TMCO4: variants seen among roughly 807,000 people sequenced by gnomAD.
The protein encoded by TMCO4 is transmembrane and coiled-coil domains 4.
Under a neutral mutation model 64.7 loss-of-function variants are expected in TMCO4, and 58 were observed. The observed-to-expected ratio is 0.90, with a 90% CI of 0.73 to 1.12. The LOEUF (loss-of-function observed/expected upper bound fraction) is 1.12. Among genes scored for constraint, TMCO4 ranks in the 50% most tolerant of loss-of-function variants. The pLI is 0.00. For synonymous variants in TMCO4, 325 were observed against 346.1 expected (o/e 0.94, Z 0.68); for missense variants, 780 against 825.9 (o/e 0.94, Z 0.68).
At chr1:19,770,471 T>C in intron 6 of TMCO4, 71 bp downstream of exon 6, 2 of 1,578,968 alleles carry the variant, frequency 1.3e-6, no homozygotes, top group Non-Finnish European at 1.7e-6. Flanking sequence ...TGGTGGCACC[T>C]CTCACTGGCT....
intron 13 of TMCO4, among the ~76,000 whole-genome samples, chr1:19,710,116 T>C (rs1172493640): frequency 2.0e-5 from 3 of 151,922 alleles, no homozygotes; most frequent in African/African-American, 7.3e-5. Context: ...TTTTATTTTT[T>C]ATATTTTGAG....
intron 7 of TMCO4, among the ~76,000 whole-genome samples, chr1:19,752,477 G>A (rs966873331): frequency 3.3e-5 from 5 of 152,076 alleles, no homozygotes; most frequent in African/African-American, 7.2e-5. Flanking sequence ...TCCATAAATC[G>A]GTCTTACTCT....
chr1:19,686,833 A>G (rs927316714), intron 15 of TMCO4, among the ~76,000 whole-genome samples: 10 of 152,342 alleles, frequency 6.6e-5, no homozygotes, highest in African/African-American at 2.4e-4. Context: ...GTAAAATGAG[A>G]GTCATGACCT....
chr1:19,784,959 C>T (rs111334433), intron 3 of TMCO4, among the ~76,000 whole-genome samples: 2,620 of 152,096 alleles, frequency 0.017, 79 homozygotes, highest in African/African-American at 0.058. Context: ...ATGTGGCCCA[C>T]AGGCCGAAGA....
chr1:19,688,219 T>C (rs1184037802), intron 15 of TMCO4, among the ~76,000 whole-genome samples: 1 of 152,138 alleles, frequency 6.6e-6, no homozygotes, highest in Admixed American at 6.5e-5. Flanking sequence ...CACATGCTCA[T>C]GAGGTTGCGT....
intron 13 of TMCO4, among the ~76,000 whole-genome samples, chr1:19,737,131 A>T (rs2095458318): frequency 6.6e-6 from 1 of 152,224 alleles, no homozygotes; most frequent in Non-Finnish European, 1.5e-5. Context: ...TTAGAACACA[A>T]AAGCCAGTGT....
chr1:19,730,307 A>G (rs2100785831), intron 13 of TMCO4, among the ~76,000 whole-genome samples: 1 of 152,308 alleles, frequency 6.6e-6, no homozygotes, highest in South Asian at 2.1e-4. Context: ...GGCATCTACA[A>G]CAACCAGAGT....
chr1:19,702,834 C>T (rs2095281805), intron 13 of TMCO4, among the ~76,000 whole-genome samples: 1 of 152,146 alleles, frequency 6.6e-6, no homozygotes, highest in African/African-American at 2.4e-5. Context: ...GAGAAGCCAA[C>T]ATGTCTTTTA....
intron 13 of TMCO4, among the ~76,000 whole-genome samples, chr1:19,721,233 C>G (rs149023875): frequency 3.3e-5 from 5 of 152,296 alleles, no homozygotes; most frequent in African/African-American, 7.2e-5. Flanking sequence ...GAGACTCAGA[C>G]AGCCATCAGG....
Position 19,734,815 on chromosome 1 carries a change from G to T in TMCO4, c.1264+2557C>A, listed in dbSNP as rs549941003. On this transcript the variant is annotated intron_variant, in intron 13 of 15. Transcript: ENST00000294543. The surrounding 1 kb of genome is among the most constrained non-coding windows in gnomAD (Gnocchi z 4.4). Reference sequence around the variant, plus strand: ...CCTGGCTCTGGCACTTAGGATTCTTGTGGCTTCACCTCTCAGCCTCAGTTT... The same window carrying T: ...CCTGGCTCTGGCACTTAGGATTCTTTTGGCTTCACCTCTCAGCCTCAGTTT... Among the ~76,000 whole-genome samples the T allele has an allele frequency of 6.6e-6, 1 of 152,278 alleles. No homozygotes were observed. Among genetic ancestry groups the T allele is most frequent in the South Asian group, 2.1e-4 (1 of 4,830 alleles).
At chr1:19,688,043 G>A (rs1424365213) in intron 15 of TMCO4, among the ~76,000 whole-genome samples, 1 of 152,172 alleles carries the variant, frequency 6.6e-6, no homozygotes, top group Admixed American at 6.5e-5. Context: ...AGCCGATACT[G>A]CGTGAAGATT....
intron 2 of TMCO4, among the ~76,000 whole-genome samples, chr1:19,797,873 A>G (rs957704486): frequency 8.9e-5 from 12 of 135,512 alleles, no homozygotes; most frequent in African/African-American, 2.2e-4. Flanking sequence ...AAAAAAAAAA[A>G]AGAGAGAAGA....
At position 19,776,660 on chromosome 1, in the gene TMCO4, C is replaced by G. The variant is rs531760742; in HGVS notation, c.179+3920G>C. Among the ~76,000 whole-genome samples, 8 of 152,302 alleles carry G rather than the reference C, an allele frequency of 5.3e-5. No individual in the cohort carries two copies. The South Asian group carries it at 1.7e-3, about 32-fold the overall frequency. ...CCCTCTTGGATGGTGTTGCCAACAG[C>G]TTCTCTGAAACAGTAATTCCCCAGC... On this transcript the variant is annotated intron_variant, in intron 4 of 15. Transcript: ENST00000294543.
At chr1:19,797,349 G>A (rs2044356659) in intron 2 of TMCO4, among the ~76,000 whole-genome samples, 2 of 152,108 alleles carry the variant, frequency 1.3e-5, no homozygotes, top group African/African-American at 2.4e-5. Flanking sequence ...AGTCTGGCTA[G>A]GGCTAAAATG....
intron 13 of TMCO4, among the ~76,000 whole-genome samples, chr1:19,715,875 C>T (rs149776469): frequency 2.0e-5 from 3 of 152,198 alleles, no homozygotes; most frequent in African/African-American, 2.4e-5. Flanking sequence ...CCATTAGAGA[C>T]GGAGGGAGCG....
chr1:19,732,058 C>T lies in TMCO4; in HGVS notation c.1264+5314G>A, dbSNP rs1488418719. ...GCGGGGGTTTTAAACTGAGCGGGGC[C>T]TGTGCACCCAGCTGCATGGGAGGAG... is the stretch of plus-strand genomic sequence containing the variant. On this transcript the variant is annotated intron_variant, in intron 13 of 15. Transcript: ENST00000294543. The surrounding 1 kb of genome is among the most constrained non-coding windows in gnomAD (Gnocchi z 4.8). Among the ~76,000 whole-genome samples the T allele has an allele frequency of 6.6e-6, 1 of 152,202 alleles. No homozygotes were observed. Among genetic ancestry groups the T allele is most frequent in the East Asian group, 1.9e-4 (1 of 5,200 alleles).
chr1:19,786,211 C>A (rs532986941), intron 3 of TMCO4, among the ~76,000 whole-genome samples: 1 of 152,188 alleles, frequency 6.6e-6, no homozygotes, highest in Non-Finnish European at 1.5e-5. Flanking sequence ...GAGCCGTGAT[C>A]GCACTATTGC....
In TMCO4 at chr1:19,690,584, G is replaced by T. The variant is rs144163911; in HGVS notation, c.1500+3850C>A. Among the ~76,000 whole-genome samples the T allele has an allele frequency of 3.8e-3, 580 of 152,330 alleles. 3 individuals are homozygous for T. The highest frequency in any genetic ancestry group is 9.7e-3 in the African/African-American group (403 of 41,578). On this transcript the variant is annotated intron_variant, in intron 15 of 15. Coordinates refer to ENST00000294543, the MANE Select transcript of TMCO4 (RefSeq NM_181719.7). ...CTCCTGCAAGGGGCTGAGTGTGGTG[G>T]ACCGAGTAGATGGGGTGCCCCTGCT...
At chr1:19,740,638 C>T (rs11577836) in intron 11 of TMCO4, 139 bp downstream of exon 11, 31 of 931,016 alleles carry the variant, frequency 3.3e-5, no homozygotes, top group African/African-American at 2.1e-4. Flanking sequence ...GACAGGAATG[C>T]GGCCTTAACC....
Sources: gnomAD v4.1 joint callset for allele counts (sites outside exome capture counted in the v4.1 genomes callset) on GRCh38, gnomAD v4.1.1 for gene constraint, Gnocchi (gnomAD v3.1) non-coding constraint, MANE v1.5 for transcripts, NCBI Gene and HGNC (gene_info 2026-07-23, HGNC 2026-07-21) for gene names.